The following SLC44A1 variants were observed in gnomAD, a reference collection of about 807,000 sequenced individuals.
SLC44A1 encodes the protein solute carrier family 44 member 1.
SLC44A1 carries 26 observed loss-of-function variants against 79.3 expected under a neutral mutation model. That is an observed-to-expected ratio of 0.33 (90% CI 0.24 to 0.46). SLC44A1 has a LOEUF of 0.46. Among genes scored for constraint, SLC44A1 ranks in the 20% least tolerant of loss-of-function variants. The pLI, the probability that SLC44A1 is intolerant of heterozygous loss-of-function variation, is 1.00. For synonymous variants in SLC44A1, 263 were observed against 286.2 expected (o/e 0.92, Z 0.82); for missense variants, 688 against 798.1 (o/e 0.86, Z 1.66).
chr9:105,299,307 A>G lies in SLC44A1; in HGVS notation c.124A>G (p.Met42Val). ...LLLFILFCIGMGFICGFSIAT... is the reference protein window; with the variant it reads ...LLLFILFCIGVGFICGFSIAT... ...GCTCTTCATCCTCTTCTGCATTGGG[A>G]TGGTAAGGAAACTCTCACAGATGGT... Residue 42 changes from methionine to valine, a missense_variant and splice_region_variant, in exon 2 of 16, where the codon ATG becomes GTG. Coordinates refer to ENST00000374720, the MANE Select transcript of SLC44A1 (RefSeq NM_080546.5). 1 of 1,575,228 alleles carries G rather than the reference A, an allele frequency of 6.3e-7. No individual in the cohort carries two copies. The highest frequency in any genetic ancestry group is 8.6e-7 in the Non-Finnish European group (1 of 1,165,864).
chr9:105,409,460 G>T (rs1397603691), intron 15 of SLC44A1, among the ~76,000 whole-genome samples: 1 of 152,166 alleles, frequency 6.6e-6, no homozygotes, highest in African/African-American at 2.4e-5. Flanking sequence ...CAAAATGGGA[G>T]GGTCACTTGA....
At chr9:105,349,337 A>G in intron 5 of SLC44A1, among the ~76,000 whole-genome samples, 1 of 152,198 alleles carries the variant, frequency 6.6e-6, no homozygotes, top group Non-Finnish European at 1.5e-5. Context: ...GCTGTTGTAT[A>G]AAAAATTTTG....
intron 15 of SLC44A1, among the ~76,000 whole-genome samples, chr9:105,427,772 G>A (rs140903406): frequency 6.6e-6 from 1 of 152,214 alleles, no homozygotes; most frequent in East Asian, 1.9e-4. Context: ...CTCCAGAAAG[G>A]CTCTACCAAT....
At chr9:105,322,283 A>G (rs1397649446) in intron 3 of SLC44A1, among the ~76,000 whole-genome samples, 2 of 152,226 alleles carry the variant, frequency 1.3e-5, no homozygotes, top group Non-Finnish European at 2.9e-5. Context: ...TTTGGACTTT[A>G]CGTGTGTGTG....
intron 4 of SLC44A1, among the ~76,000 whole-genome samples, chr9:105,338,578 A>G (rs1826993318): frequency 6.6e-6 from 1 of 152,024 alleles, no homozygotes; most frequent in Non-Finnish European, 1.5e-5. Context: ...CCATGCCCAG[A>G]TAATTTTTTT....
intron 1 of SLC44A1, among the ~76,000 whole-genome samples, chr9:105,250,303 C>T (rs1054606761): frequency 1.3e-5 from 2 of 152,150 alleles, no homozygotes; most frequent in African/African-American, 4.8e-5. Context: ...TAGCATGGTA[C>T]AGCAAAACTA....
At chr9:105,386,272 C>A in intron 15 of SLC44A1, 4 of 965,566 alleles carry the variant, frequency 4.1e-6, no homozygotes, top group Non-Finnish European at 2.5e-6. Flanking sequence ...AGCATAGAAA[C>A]AGATGCCTCT....
chr9:105,312,632 A>T (rs953535861), intron 3 of SLC44A1, among the ~76,000 whole-genome samples: 1 of 152,240 alleles, frequency 6.6e-6, no homozygotes, highest in Non-Finnish European at 1.5e-5. Flanking sequence ...AGACCGTTCC[A>T]TTTATATTCC....
intron 13 of SLC44A1, 104 bp downstream of exon 13, chr9:105,374,839 A>G: frequency 4.8e-6 from 4 of 834,826 alleles, no homozygotes; most frequent in Non-Finnish European, 7.7e-6. Context: ...TAAAAGTAAT[A>G]TATAGCGAGT....
At chr9:105,279,003 C>T (rs1830282202) in intron 1 of SLC44A1, among the ~76,000 whole-genome samples, 1 of 152,078 alleles carries the variant, frequency 6.6e-6, no homozygotes, top group Non-Finnish European at 1.5e-5. Context: ...GAAACTGCAG[C>T]AGAACAAACT....
At chr9:105,263,742 G>A (rs1829893453) in intron 1 of SLC44A1, among the ~76,000 whole-genome samples, 1 of 152,104 alleles carries the variant, frequency 6.6e-6, no homozygotes, top group South Asian at 2.1e-4. Context: ...TCACTATGTT[G>A]GCCAGGCTGG....
chr9:105,275,866 G>A (rs1249850234), intron 1 of SLC44A1, among the ~76,000 whole-genome samples: 4 of 151,090 alleles, frequency 2.6e-5, no homozygotes, highest in Middle Eastern at 3.4e-3. Context: ...GTGCAGTGGC[G>A]CGATCTCAGC....
At chr9:105,351,585 A>AG (rs1827422052) in intron 5 of SLC44A1, among the ~76,000 whole-genome samples, 20 of 126,034 alleles carry the variant, frequency 1.6e-4, no homozygotes, top group African/African-American at 4.9e-4. Context: ...AGAAAGAGAG[A>AG]AAGAGAGAAA....
At chr9:105,374,184 T>G (rs1828204525) in intron 12 of SLC44A1, among the ~76,000 whole-genome samples, 1 of 152,158 alleles carries the variant, frequency 6.6e-6, no homozygotes, top group African/African-American at 2.4e-5. Context: ...TAAAACACCA[T>G]AGCAATCTGA....
chr9:105,286,317 C>T (rs1028331756), intron 1 of SLC44A1, among the ~76,000 whole-genome samples: 8 of 152,248 alleles, frequency 5.3e-5, no homozygotes, highest in East Asian at 1.9e-4. Context: ...TGCTGTAGTA[C>T]GTACTGACCA....
chr9:105,330,427 T>C (rs1334234129), intron 3 of SLC44A1, among the ~76,000 whole-genome samples: 1 of 152,226 alleles, frequency 6.6e-6, no homozygotes, highest in African/African-American at 2.4e-5. Context: ...AAATTATTGG[T>C]GAATCTTATT....
At position 105,255,105 on chromosome 9, in the gene SLC44A1, T is replaced by G. The variant is rs572756386; in HGVS notation, c.36+10201T>G. ...TGCTTACTTTCAGGTTTTTTTGTTT[T>G]TTTTTTTTTTTAATAATTAAACTGA... is the stretch of plus-strand genomic sequence containing the variant. On this transcript the variant is annotated intron_variant, in intron 1 of 15. Coordinates refer to ENST00000374720, the MANE Select transcript of SLC44A1 (RefSeq NM_080546.5). Among the ~76,000 whole-genome samples, 7 of 151,360 alleles carry G rather than the reference T, an allele frequency of 4.6e-5. No homozygotes were observed. The South Asian group carries it at 6.2e-4, about 13-fold the overall frequency.
intron 1 of SLC44A1, among the ~76,000 whole-genome samples, chr9:105,287,579 A>G (rs1261485611): frequency 6.6e-6 from 1 of 152,202 alleles, no homozygotes; most frequent in East Asian, 1.9e-4. Flanking sequence ...AGGAAAGGAC[A>G]TAACAATGAT....
Position 105,366,362 on chromosome 9 carries a change from G to A in SLC44A1, c.1427G>A (p.Arg476Gln). 3.3e-6 allele frequency: 5 copies of A among 1,510,928 alleles called. No individual in the cohort carries two copies. The highest frequency in any genetic ancestry group is 2.6e-5 in the East Asian group (1 of 39,194). The allele number at this position is 1,510,928 out of a possible 1,614,324, so 93.6% of individuals were successfully genotyped here. A position where few individuals can be genotyped will look rare whatever the true frequency, so the allele number is the denominator to read the frequency against. The change falls in exon 12 of 16, where the codon CGA (arginine) becomes CAA (glutamine). Residue 476 changes from arginine to glutamine, a missense_variant. Transcript: ENST00000374720. Reference protein sequence around the residue: ...QLKGKENACARCVLKSCICCL... With the variant: ...QLKGKENACAQCVLKSCICCL... ...CCCATCCAGGAAAATGCTTGTGCAC[G>A]ATGTGTGCTGAAATCTTGCATTTGT... is the stretch of plus-strand genomic sequence containing the variant.
Sources: gnomAD v4.1 joint callset for allele counts (sites outside exome capture counted in the v4.1 genomes callset) on GRCh38, gnomAD v4.1.1 for gene constraint, MANE v1.5 for transcripts, NCBI Gene and HGNC (gene_info 2026-07-23, HGNC 2026-07-21) for gene names.